The following FAM3C variants were observed in gnomAD, a reference collection of about 807,000 sequenced individuals.
FAM3C encodes the protein protein FAM3C.
Under a neutral mutation model 32.5 loss-of-function variants are expected in FAM3C, and 15 were observed. The ratio of observed to expected loss-of-function variants is 0.46; its 90% CI spans 0.31 to 0.71. The LOEUF (loss-of-function observed/expected upper bound fraction) is 0.71, where lower values mean the gene tolerates loss of function less well. Among genes scored for constraint, FAM3C ranks in the 30% least tolerant of loss-of-function variants. The pLI is 0.05. For missense variants in FAM3C, 175 were observed against 274.4 expected, an observed-to-expected ratio of 0.64 and a Z score of 2.56; for synonymous variants, 75 against 86.1, an observed-to-expected ratio of 0.87 and a Z score of 0.72.
intron 5 of FAM3C, among the ~76,000 whole-genome samples, chr7:121,370,441 T>C (rs953547699): frequency 6.6e-6 from 1 of 152,202 alleles, no homozygotes; most frequent in African/African-American, 2.4e-5. Flanking sequence ...CTCTTTGCTA[T>C]AAAATTATCT....
At chr7:121,377,706 T>C (rs113323234) in intron 3 of FAM3C, among the ~76,000 whole-genome samples, 46 of 152,360 alleles carry the variant, frequency 3.0e-4, no homozygotes, top group Middle Eastern at 3.4e-3. Context: ...CATCAGATTA[T>C]AGTACTATGT....
chr7:121,388,195 ATCCTAGAAGGTACAC>A (rs1285863874), intron 1 of FAM3C, among the ~76,000 whole-genome samples: 3 of 151,630 alleles, frequency 2.0e-5, no homozygotes, highest in Non-Finnish European at 2.9e-5. Flanking sequence ...AGGATACCGA[ATCCTAGAAGGTACAC>A]TCTTTTAAAA....
chr7:121,360,428 A>T (rs1793896503), intron 7 of FAM3C, among the ~76,000 whole-genome samples: 1 of 152,226 alleles, frequency 6.6e-6, no homozygotes, highest in Non-Finnish European at 1.5e-5. Flanking sequence ...ACGAAGTAAG[A>T]AATTCAGAGA....
intron 5 of FAM3C, among the ~76,000 whole-genome samples, chr7:121,366,713 T>G (rs1418894245): frequency 1.3e-5 from 2 of 152,206 alleles, no homozygotes; most frequent in African/African-American, 2.4e-5. Context: ...GAATTATATC[T>G]CAAAGCTGTT....
chr7:121,382,912 G>A (rs200243813), intron 2 of FAM3C, 45 bp downstream of exon 2: 408 of 1,449,750 alleles, frequency 2.8e-4, no homozygotes, highest in Non-Finnish European at 3.7e-4. Context: ...TAACAAACAG[G>A]TTACACAAAA....
chr7:121,358,516 C>A (rs1793855708), intron 8 of FAM3C, among the ~76,000 whole-genome samples: 2 of 152,068 alleles, frequency 1.3e-5, no homozygotes, highest in African/African-American at 4.8e-5. Flanking sequence ...AGTACAATTA[C>A]TTTTATAAAA....
intron 3 of FAM3C, among the ~76,000 whole-genome samples, chr7:121,376,713 T>C (rs1015136482): frequency 8.5e-5 from 13 of 152,148 alleles, no homozygotes; most frequent in African/African-American, 3.1e-4. Context: ...AGAAAGTACT[T>C]TTATGTAGTC....
At chr7:121,373,478 A>T (rs189190193) in intron 3 of FAM3C, among the ~76,000 whole-genome samples, 2 of 152,254 alleles carry the variant, frequency 1.3e-5, no homozygotes, top group East Asian at 1.9e-4. Flanking sequence ...CTCTCCTACA[A>T]CTATTTTCCC....
At chr7:121,376,153 C>A (rs1454015958) in intron 3 of FAM3C, among the ~76,000 whole-genome samples, 1 of 152,168 alleles carries the variant, frequency 6.6e-6, no homozygotes. Flanking sequence ...CAGACCAGAA[C>A]AAGTAAAGTA....
At chr7:121,378,326 C>CT (rs375852783) in intron 3 of FAM3C, among the ~76,000 whole-genome samples, 38 of 150,842 alleles carry the variant, frequency 2.5e-4, no homozygotes, top group African/African-American at 7.1e-4. Flanking sequence ...GGATTTCTTT[C>CT]TTTTTTTTTA....
chr7:121,372,113 G>T lies in FAM3C; in HGVS notation c.145C>A (p.Arg49Ser). Reference sequence around the variant, plus strand: ...AATATTGAGATGAAATACTTACAACGTGCAGCTGTGTCCAATGCTGATCTT... The same window carrying T: ...AATATTGAGATGAAATACTTACAACTTGCAGCTGTGTCCAATGCTGATCTT... Reference protein sequence around the residue: ...FARSALDTAARSTKPPRYKCG... With the variant: ...FARSALDTAASSTKPPRYKCG... Residue 49 changes from arginine to serine, a missense_variant, in exon 4 of 10, where the codon CGT becomes AGT. Physicochemically the swap from Arg to Ser is moderately radical, Grantham distance 110 (BLOSUM62 -1). Coordinates refer to ENST00000359943, the MANE Select transcript of FAM3C (RefSeq NM_014888.3). 1.2e-6 allele frequency: 2 copies of T among 1,605,394 alleles called. No homozygotes were observed. Among genetic ancestry groups the T allele is most frequent in the Non-Finnish European group, 1.7e-6 (2 of 1,173,938 alleles).
chr7:121,362,500 T>C (rs917098952), intron 7 of FAM3C, among the ~76,000 whole-genome samples: 1 of 151,424 alleles, frequency 6.6e-6, no homozygotes, highest in African/African-American at 2.4e-5. Context: ...AAATCACATT[T>C]AAAAAAAAAT....
chr7:121,389,335 C>T (rs771788957), intron 1 of FAM3C, among the ~76,000 whole-genome samples: 2 of 152,080 alleles, frequency 1.3e-5, no homozygotes, highest in Non-Finnish European at 2.9e-5. Context: ...AGTATTTAAC[C>T]ATGTCTTCCA....
chr7:121,368,895 C>T (rs1295993724), intron 5 of FAM3C, among the ~76,000 whole-genome samples: 2 of 151,764 alleles, frequency 1.3e-5, no homozygotes, highest in East Asian at 1.9e-4. Context: ...CATCCACTCT[C>T]GCCAGTACTC....
intron 3 of FAM3C, among the ~76,000 whole-genome samples, chr7:121,377,166 C>T (rs1027850406): frequency 2.4e-4 from 37 of 152,210 alleles, no homozygotes; most frequent in African/African-American, 6.7e-4. Context: ...ACTTTCCCCT[C>T]GCTTCACTCT....
intron 5 of FAM3C, among the ~76,000 whole-genome samples, chr7:121,366,329 T>C (rs1794023453): frequency 6.6e-6 from 1 of 152,162 alleles, no homozygotes; most frequent in Non-Finnish European, 1.5e-5. Flanking sequence ...AAATGTGGTA[T>C]ATCCATACAA....
chr7:121,360,113 T>C lies in FAM3C; in HGVS notation c.397A>G (p.Ile133Val). 2 of 1,592,036 alleles carry C rather than the reference T, an allele frequency of 1.3e-6. No homozygotes were observed. The highest frequency in any genetic ancestry group is 2.2e-5 in the East Asian group (1 of 44,626). The change falls in exon 8 of 10, where the codon ATT (isoleucine) becomes GTT (valine). Residue 133 changes from isoleucine to valine, a missense_variant. Coordinates refer to ENST00000359943, the MANE Select transcript of FAM3C (RefSeq NM_014888.3). Reference sequence around the variant, plus strand: ...TCTTGTATGGCCTTCAGAAACTCAATAAATGGTGCCACATCTGAAGAAAAA... The same window carrying C: ...TCTTGTATGGCCTTCAGAAACTCAACAAATGGTGCCACATCTGAAGAAAAA... ...DMWGGDVAPF[I>V]EFLKAIQDGT...
At chr7:121,369,899 G>C (rs1990447) in intron 5 of FAM3C, among the ~76,000 whole-genome samples, 38,827 of 152,014 alleles carry the variant, frequency 0.26, 5,941 homozygotes, top group African/African-American at 0.44. Context: ...AGTGTGTTTT[G>C]TTGTTTACGG....
intron 1 of FAM3C, among the ~76,000 whole-genome samples, chr7:121,395,403 CA>C (rs1219966025): frequency 4.1e-5 from 6 of 147,770 alleles, no homozygotes; most frequent in South Asian, 2.1e-4. Context: ...CAAAAAGAAA[CA>C]AAGGAAAAGT....
Sources: allele counts gnomAD v4.1 joint callset (sites outside exome capture counted in the v4.1 genomes callset), GRCh38; gene constraint gnomAD v4.1.1; transcripts MANE v1.5; gene names NCBI Gene and HGNC (gene_info 2026-07-23, HGNC 2026-07-21).